Variants in C2orf66 observed in about 807,000 individuals in gnomAD.
C2orf66 encodes the protein uncharacterized protein C2orf66.
In C2orf66, 6 loss-of-function variants were observed where a neutral mutation model predicts 7.0. The ratio of observed to expected loss-of-function variants is 0.86; its 90% CI spans 0.47 to 1.69. C2orf66 has a LOEUF of 1.69. Ranked by LOEUF, C2orf66 falls within the 40% of genes most tolerant of loss-of-function variation. The probability of loss-of-function intolerance (pLI) is 0.01; values close to 1 mark genes in which losing one functional copy is unlikely to be tolerated. For missense variants in C2orf66, 107 were observed against 112.0 expected (o/e 0.96, Z 0.20); for synonymous variants, 38 against 43.8 (o/e 0.87, Z 0.52).
the C2orf66 span, among the ~76,000 whole-genome samples, chr2:196,820,640 C>CT: frequency 6.6e-6 from 1 of 152,182 alleles, no homozygotes; most frequent in Admixed American, 6.5e-5. Flanking sequence ...GTTTTCAAGA[C>CT]TGAGTTCCTA....
chr2:196,816,211 A>T, the C2orf66 span, among the ~76,000 whole-genome samples: 1 of 152,196 alleles, frequency 6.6e-6, no homozygotes, highest in East Asian at 1.9e-4. Flanking sequence ...GGGGGCACAA[A>T]AATCTCCCAG....
At chr2:196,819,537 C>T in the C2orf66 span, among the ~76,000 whole-genome samples, 4 of 151,790 alleles carry the variant, frequency 2.6e-5, no homozygotes, top group South Asian at 8.3e-4. Flanking sequence ...TGTTCACAAG[C>T]CACCCAGTCT....
At chr2:196,805,862 T>C (rs1004959033) in intron 2 of C2orf66, among the ~76,000 whole-genome samples, 1 of 152,238 alleles carries the variant, frequency 6.6e-6, no homozygotes, top group African/African-American at 2.4e-5. Flanking sequence ...GTGTAAATAA[T>C]AGTCAAGAGA....
At chr2:196,808,607 T>A (rs1278096080) in intron 1 of C2orf66, among the ~76,000 whole-genome samples, 2 of 152,234 alleles carry the variant, frequency 1.3e-5, no homozygotes, top group Non-Finnish European at 2.9e-5. Context: ...TTTAATCCTA[T>A]GTTGTTATAT....
the C2orf66 span, among the ~76,000 whole-genome samples, chr2:196,814,761 T>C: frequency 6.6e-6 from 1 of 152,170 alleles, no homozygotes; most frequent in Non-Finnish European, 1.5e-5. Flanking sequence ...TATCTATGAA[T>C]AATTGATAGT....
At chr2:196,831,014 A>C in the C2orf66 span, among the ~76,000 whole-genome samples, 1 of 152,170 alleles carries the variant, frequency 6.6e-6, no homozygotes, top group African/African-American at 2.4e-5. Flanking sequence ...AACTTAGGCC[A>C]AAAGACCAAA....
upstream of C2orf66, among the ~76,000 whole-genome samples, chr2:196,812,428 T>C (rs1248787858): frequency 6.6e-6 from 1 of 152,210 alleles, no homozygotes; most frequent in African/African-American, 2.4e-5. Flanking sequence ...TGATGGAACG[T>C]ATCTCAAAAT....
chr2:196,823,091 G>T, the C2orf66 span, among the ~76,000 whole-genome samples: 1 of 151,934 alleles, frequency 6.6e-6, no homozygotes, highest in Non-Finnish European at 1.5e-5. Context: ...AAAGAGGGGA[G>T]ACCATTTATG....
At chr2:196,826,353 A>C in the C2orf66 span, among the ~76,000 whole-genome samples, 1 of 152,232 alleles carries the variant, frequency 6.6e-6, no homozygotes, top group Non-Finnish European at 1.5e-5. Context: ...TTTAATTTAC[A>C]TATTAGTATT....
intron 1 of C2orf66, among the ~76,000 whole-genome samples, chr2:196,808,882 T>C (rs1475020998): frequency 1.3e-5 from 2 of 152,228 alleles, no homozygotes; most frequent in Admixed American, 1.3e-4. Context: ...CAATTCCCTG[T>C]TACACTCTTT....
the C2orf66 span, among the ~76,000 whole-genome samples, chr2:196,815,749 G>T: frequency 6.6e-6 from 1 of 152,120 alleles, no homozygotes; most frequent in African/African-American, 2.4e-5. Flanking sequence ...AATTAAACAA[G>T]GTAGGGAGGA....
the C2orf66 span, among the ~76,000 whole-genome samples, chr2:196,820,515 C>T: frequency 6.6e-6 from 1 of 152,198 alleles, no homozygotes; most frequent in African/African-American, 2.4e-5. Context: ...TGAATACATA[C>T]TATGTGTCAG....
At chr2:196,811,569 G>A (rs1415227034), upstream of C2orf66, among the ~76,000 whole-genome samples, 1 of 152,062 alleles carries the variant, frequency 6.6e-6, no homozygotes, top group Admixed American at 6.5e-5. Context: ...CAGGTGAGTG[G>A]GTTACAGTGC....
chr2:196,813,479 A>G (rs1181561896), upstream of C2orf66, among the ~76,000 whole-genome samples: 1 of 152,206 alleles, frequency 6.6e-6, no homozygotes, highest in African/African-American at 2.4e-5. Flanking sequence ...AAAACCCTAG[A>G]AGAAAACCTA....
At position 196,805,169 on chromosome 2, in the gene C2orf66, T is replaced by C. The variant is rs1340273175; in HGVS notation, c.*259A>G. The stretch of plus-strand genomic sequence containing the variant: ...CAGTTTGTGATGTTTTTGTAACTCC[T>C]ACAAATACATGCGGTGCTCTACATC... On this transcript the variant is annotated 3_prime_UTR_variant, in exon 3 of 3. Coordinates refer to ENST00000342506, the MANE Select transcript of C2orf66 (RefSeq NM_213608.3). The C allele has an allele frequency of 2.0e-5, 3 of 152,212 alleles. No individual in the cohort carries two copies. Among genetic ancestry groups the C allele is most frequent in the African/African-American group, 7.2e-5 (3 of 41,448 alleles). The allele number at this position is 152,212 out of a possible 1,614,324, so 9.4% of individuals were successfully genotyped here. A position where few individuals can be genotyped will look rare whatever the true frequency, so the allele number is the denominator to read the frequency against.
At chr2:196,830,072 T>A in the C2orf66 span, among the ~76,000 whole-genome samples, 1 of 152,236 alleles carries the variant, frequency 6.6e-6, no homozygotes, top group African/African-American at 2.4e-5. Context: ...TCCTCCCATA[T>A]GTTCTATAAT....
the C2orf66 span, among the ~76,000 whole-genome samples, chr2:196,818,567 G>A: frequency 2.6e-5 from 4 of 152,262 alleles, no homozygotes; most frequent in East Asian, 7.7e-4. Flanking sequence ...TTCTCCTACA[G>A]CTAAGATGGA....
chr2:196,815,258 C>T, the C2orf66 span, among the ~76,000 whole-genome samples: 59 of 152,236 alleles, frequency 3.9e-4, no homozygotes, highest in African/African-American at 9.9e-4. Context: ...CATGAGCCAC[C>T]ATGCCTGGCC....
At chr2:196,817,718 C>A in the C2orf66 span, among the ~76,000 whole-genome samples, 1 of 152,040 alleles carries the variant, frequency 6.6e-6, no homozygotes, top group East Asian at 1.9e-4. Flanking sequence ...ACTCCCAGAG[C>A]GGCCATTTAT....
Sources: allele counts gnomAD v4.1 joint callset (sites outside exome capture counted in the v4.1 genomes callset), GRCh38; gene constraint gnomAD v4.1.1; transcripts MANE v1.5; gene names NCBI Gene and HGNC (gene_info 2026-07-23, HGNC 2026-07-21).